ADARB1: variants seen among roughly 807,000 people sequenced by gnomAD.
ADARB1 encodes the protein adenosine deaminase RNA specific B1, also known as double-stranded RNA-specific editase 1.
Under a neutral mutation model 52.4 loss-of-function variants are expected in ADARB1, and 10 were observed. That is an observed-to-expected ratio of 0.19 (90% confidence interval 0.12 to 0.32). ADARB1 has a LOEUF of 0.32. Among genes scored for constraint, ADARB1 ranks in the 10% least tolerant of loss-of-function variants. ADARB1 has a pLI of 1.00. For missense variants in ADARB1, 643 were observed against 922.3 expected (o/e 0.70, Z 3.92); for synonymous variants, 349 against 371.1 (o/e 0.94, Z 0.68).
At chr21:45,121,455 C>G (rs1441285846) in intron 1 of ADARB1, among the ~76,000 whole-genome samples, 1 of 152,222 alleles carries the variant, frequency 6.6e-6, no homozygotes, top group African/African-American at 2.4e-5. Flanking sequence ...GGCATCCGCT[C>G]TCAGCCTGAC....
At chr21:45,124,787 A>ATGTGTGTGTGTATG (rs2088467310) in intron 1 of ADARB1, among the ~76,000 whole-genome samples, 3 of 135,706 alleles carry the variant, frequency 2.2e-5, no homozygotes, top group Non-Finnish European at 4.9e-5. Flanking sequence ...GTGTGTGTGT[A>ATGTGTGTGTGTATG]TGTGTGTGTG....
chr21:45,185,711 C>T (rs569341391), intron 8 of ADARB1, among the ~76,000 whole-genome samples: 1 of 152,120 alleles, frequency 6.6e-6, no homozygotes, highest in African/African-American at 2.4e-5. Context: ...GTATCAGTTC[C>T]AGTAGTTCTT....
intron 1 of ADARB1, among the ~76,000 whole-genome samples, chr21:45,114,972 A>G (rs553320095): frequency 6.6e-6 from 1 of 152,300 alleles, no homozygotes; most frequent in African/African-American, 2.4e-5. Flanking sequence ...GATATGGGGA[A>G]TGGATTGGAG....
chr21:45,202,813 T>G (rs1464564831), intron 8 of ADARB1, among the ~76,000 whole-genome samples: 1 of 150,504 alleles, frequency 6.6e-6, no homozygotes, highest in Non-Finnish European at 1.5e-5. Flanking sequence ...GCTGAGCATC[T>G]TCCCCTGCAG....
chr21:45,184,242 A>G (rs1256451272), intron 7 of ADARB1, among the ~76,000 whole-genome samples: 1 of 152,222 alleles, frequency 6.6e-6, no homozygotes, highest in African/African-American at 2.4e-5. Context: ...TTTTAAAAAT[A>G]TAGAGGAAAA....
chr21:45,137,576 C>T (rs932300471), intron 2 of ADARB1, among the ~76,000 whole-genome samples: 2 of 152,234 alleles, frequency 1.3e-5, no homozygotes, highest in Non-Finnish European at 2.9e-5. Context: ...CATTTGAAGT[C>T]TCTTCAGAGG....
At chr21:45,083,901 G>A (rs193192808) in intron 1 of ADARB1, among the ~76,000 whole-genome samples, 56 of 152,210 alleles carry the variant, frequency 3.7e-4, no homozygotes, top group African/African-American at 1.2e-3. Flanking sequence ...GGGTTTTACC[G>A]TGTTGCCCAG....
rs1453546410 is a variant in ADARB1, at chr21:45,116,400, A to G, written c.-219-12002A>G. 3.3e-5 allele frequency among the ~76,000 whole-genome samples: 5 copies of G among 152,278 alleles called. No homozygotes were observed. In the East Asian group the frequency reaches 9.6e-4, roughly 29 times the overall value. On this transcript the variant is annotated intron_variant, in intron 1 of 10. Transcript: ENST00000348831. ...AAGATTTAATTTTTTATTTAGAAAC[A>G]GTATGCTTATTACAGACTGTGCAGA...
intron 1 of ADARB1, among the ~76,000 whole-genome samples, chr21:45,089,764 A>G (rs1332898897): frequency 6.6e-6 from 1 of 152,194 alleles, no homozygotes; most frequent in African/African-American, 2.4e-5. Context: ...TTTTCTTTCA[A>G]TGATATTTCA....
At chr21:45,197,933 CAGG>C (rs1242756011) in intron 8 of ADARB1, among the ~76,000 whole-genome samples, 1 of 152,026 alleles carries the variant, frequency 6.6e-6, no homozygotes, top group Non-Finnish European at 1.5e-5. Context: ...TGTAAGGAGA[CAGG>C]AGGTTTGGGG....
At chr21:45,113,132 T>C (rs2087621345) in intron 1 of ADARB1, among the ~76,000 whole-genome samples, 1 of 152,190 alleles carries the variant, frequency 6.6e-6, no homozygotes, top group African/African-American at 2.4e-5. Flanking sequence ...TTTTAAAATA[T>C]TGGTTGAAAT....
rs1338337457 is a variant in ADARB1, at chr21:45,223,190, T to C, written c.*993T>C. 2 of 985,324 alleles carry C rather than the reference T, an allele frequency of 2.0e-6. No individual in the cohort carries two copies. The highest frequency in any genetic ancestry group is 2.4e-6 in the Non-Finnish European group (2 of 829,946). 61.0% of individuals were successfully genotyped at this position (985,324 alleles called of 1,614,324 possible). A position where few individuals can be genotyped will look rare whatever the true frequency, so the allele number is the denominator to read the frequency against. On this transcript the variant is annotated 3_prime_UTR_variant, in exon 11 of 11. Transcript: ENST00000348831. ...CTTCACAGGATGGAAGTAGAATGAT[T>C]TCAGTAGATACTCATTCTTGGAAAA...
intron 2 of ADARB1, chr21:45,133,603 C>G: frequency 4.7e-6 from 1 of 211,886 alleles, no homozygotes; most frequent in South Asian, 5.9e-5. Context: ...GTGTGTACCC[C>G]AGGGGCAGGA....
rs1602070326 is a variant in ADARB1 at position 45,220,690 on chromosome 21, C to G, written c.1748-146C>G. The G allele has an allele frequency of 1.2e-6, 1 of 818,856 alleles. No homozygotes were observed. 50.7% of individuals were successfully genotyped at this position (818,856 alleles called of 1,614,324 possible). A position where few individuals can be genotyped will look rare whatever the true frequency, so the allele number is the denominator to read the frequency against. Reference sequence around the variant, plus strand: ...GCCACTGCCACGGCAGATGCACGCTCAAGTCTGCGTATATTCCTCGGCAGG... The same window carrying G: ...GCCACTGCCACGGCAGATGCACGCTGAAGTCTGCGTATATTCCTCGGCAGG... On this transcript the variant is annotated intron_variant, in intron 9 of 10. Transcript: ENST00000348831. This position sits in a 1 kb window ranked among gnomAD's most constrained non-coding sequence, Gnocchi z 6.3.
In ADARB1 at chr21:45,224,963, C is replaced by T. The variant is rs1192759300; in HGVS notation, c.*2766C>T. 5 of 985,388 alleles carry T rather than the reference C, an allele frequency of 5.1e-6. No homozygotes were observed. The highest frequency in any genetic ancestry group is 6.0e-6 in the Non-Finnish European group (5 of 829,906). The allele number at this position is 985,388 out of a possible 1,614,324, so 61.0% of individuals were successfully genotyped here. ...TCTCCATCCAGTGTCCTTGATGTGG[C>T]TTTTAGAGACTTAGCAGAAAATTCG... is the stretch of plus-strand genomic sequence containing the variant. On this transcript the variant is annotated 3_prime_UTR_variant, in exon 11 of 11. Transcript: ENST00000348831.
intron 1 of ADARB1, among the ~76,000 whole-genome samples, chr21:45,118,215 G>A (rs2145784569): frequency 6.6e-6 from 1 of 152,322 alleles, no homozygotes; most frequent in South Asian, 2.1e-4. Context: ...CTCTTTAGGT[G>A]TCCGCTGTTT....
At chr21:45,164,375 C>T (rs962253115) in intron 2 of ADARB1, among the ~76,000 whole-genome samples, 5 of 152,048 alleles carry the variant, frequency 3.3e-5, no homozygotes, top group African/African-American at 1.2e-4. Context: ...TGGAGGAACT[C>T]AGTGTACAGC....
intron 1 of ADARB1, among the ~76,000 whole-genome samples, chr21:45,124,630 G>A (rs988053188): frequency 5.3e-5 from 8 of 151,364 alleles, no homozygotes; most frequent in African/African-American, 1.7e-4. Context: ...TGCCTGCCTC[G>A]GCCTCCCAAA....
Position 45,221,886 on chromosome 21 carries a change from G to A in ADARB1, c.1927-132G>A. The A allele has an allele frequency of 1.1e-6, 1 of 935,626 alleles. No homozygotes were observed. Among genetic ancestry groups the A allele is most frequent in the East Asian group, 2.7e-5 (1 of 37,416 alleles). The allele number at this position is 935,626 out of a possible 1,614,324, so 58.0% of individuals were successfully genotyped here. Reference sequence around the variant, plus strand: ...TGTGAAGCCGTTCCCTTGGCAGAAGGCGCCTTCCTCTGGGTTGCTTTCCCC... The same window carrying A: ...TGTGAAGCCGTTCCCTTGGCAGAAGACGCCTTCCTCTGGGTTGCTTTCCCC... On this transcript the variant is annotated intron_variant, in intron 10 of 10. Transcript: ENST00000348831. This position sits in a 1 kb window ranked among gnomAD's most constrained non-coding sequence, Gnocchi z 4.9.
Sources: allele counts gnomAD v4.1 joint callset (sites outside exome capture counted in the v4.1 genomes callset), GRCh38; gene constraint gnomAD v4.1.1; non-coding constraint Gnocchi (gnomAD v3.1); transcripts MANE v1.5; gene names NCBI Gene and HGNC (gene_info 2026-07-23, HGNC 2026-07-21).